SLC39A11: variants seen among roughly 807,000 people sequenced by gnomAD.
The protein encoded by SLC39A11 is zinc transporter ZIP11.
A neutral mutation model predicts 36.1 loss-of-function variants in SLC39A11; 33 were observed. That is an observed-to-expected ratio of 0.91 (90% confidence interval 0.69 to 1.22). SLC39A11 has a LOEUF of 1.22. Among genes scored for constraint, SLC39A11 ranks in the 50% most tolerant of loss-of-function variants. The pLI is 0.00. For synonymous variants in SLC39A11, 166 were observed against 170.3 expected (o/e 0.97, Z 0.20); for missense variants, 432 against 430.3 (o/e 1.00, Z -0.03).
chr17:72,856,603 C>T (rs2030894056), intron 5 of SLC39A11, among the ~76,000 whole-genome samples: 1 of 152,176 alleles, frequency 6.6e-6, no homozygotes, highest in Non-Finnish European at 1.5e-5. Flanking sequence ...AAAGTATTAC[C>T]TGCTTTCCTT....
intron 6 of SLC39A11, among the ~76,000 whole-genome samples, chr17:72,753,754 C>T (rs2075244132): frequency 6.6e-6 from 1 of 151,828 alleles, no homozygotes; most frequent in Non-Finnish European, 1.5e-5. Context: ...TTGTACAAGT[C>T]TGTTTCCCTA....
intron 4 of SLC39A11, among the ~76,000 whole-genome samples, chr17:72,988,243 A>G (rs1015360009): frequency 6.6e-6 from 1 of 152,242 alleles, no homozygotes; most frequent in African/African-American, 2.4e-5. Flanking sequence ...ACCTGAGGCC[A>G]GGAGTTCAAA....
At chr17:73,071,441 G>A (rs534695266) in intron 3 of SLC39A11, among the ~76,000 whole-genome samples, 2 of 152,320 alleles carry the variant, frequency 1.3e-5, no homozygotes, top group South Asian at 2.1e-4. Flanking sequence ...CTGCAGCACA[G>A]AGCTCCTAAA....
At chr17:72,787,788 C>T (rs1204173961) in intron 6 of SLC39A11, among the ~76,000 whole-genome samples, 3 of 152,118 alleles carry the variant, frequency 2.0e-5, no homozygotes, top group South Asian at 4.1e-4. Flanking sequence ...TCTGCTGACC[C>T]CAAAGCCTCA....
chr17:72,784,748 T>A (rs1568087216), intron 6 of SLC39A11, among the ~76,000 whole-genome samples: 1 of 152,104 alleles, frequency 6.6e-6, no homozygotes, highest in Non-Finnish European at 1.5e-5. Flanking sequence ...CTTCACCTTC[T>A]GCCATGATTA....
intron 7 of SLC39A11, among the ~76,000 whole-genome samples, chr17:72,714,472 A>C (rs1368897949): frequency 4.6e-5 from 7 of 152,198 alleles, no homozygotes; most frequent in African/African-American, 1.7e-4. Context: ...TGGGTCGCCA[A>C]AAAAGGAAGG....
At chr17:72,730,601 C>T (rs1304926933) in intron 7 of SLC39A11, among the ~76,000 whole-genome samples, 1 of 152,214 alleles carries the variant, frequency 6.6e-6, no homozygotes, top group African/African-American at 2.4e-5. Context: ...TGCATTCTCA[C>T]TTCCCTCCTC....
intron 6 of SLC39A11, among the ~76,000 whole-genome samples, chr17:72,781,275 C>T (rs1306044157): frequency 2.0e-5 from 3 of 152,140 alleles, no homozygotes; most frequent in Non-Finnish European, 2.9e-5. Context: ...ATTCCTTGCA[C>T]GTCAAGAAAA....
intron 4 of SLC39A11, among the ~76,000 whole-genome samples, chr17:72,957,865 C>T (rs2086346543): frequency 6.6e-6 from 1 of 151,506 alleles, no homozygotes; most frequent in Non-Finnish European, 1.5e-5. Context: ...TGGCTTGCGC[C>T]TATAATCCCA....
At chr17:72,840,431 A>G (rs943155488) in intron 6 of SLC39A11, among the ~76,000 whole-genome samples, 2 of 152,376 alleles carry the variant, frequency 1.3e-5, no homozygotes, top group African/African-American at 4.8e-5. Flanking sequence ...ACATGAGTCA[A>G]TGTCCTCCCT....
At chr17:73,026,837 G>A (rs1030231502) in intron 4 of SLC39A11, among the ~76,000 whole-genome samples, 1 of 152,044 alleles carries the variant, frequency 6.6e-6, no homozygotes, top group African/African-American at 2.4e-5. Context: ...GGCGGGCCAG[G>A]TGTGGTAGCT....
chr17:72,784,721 T>G (rs759213203), intron 6 of SLC39A11, among the ~76,000 whole-genome samples: 1 of 152,082 alleles, frequency 6.6e-6, no homozygotes, highest in African/African-American at 2.4e-5. Context: ...TTTTGCCATG[T>G]GATATGCCTG....
At chr17:73,047,627 G>A (rs1479938539) in intron 3 of SLC39A11, among the ~76,000 whole-genome samples, 19 of 151,880 alleles carry the variant, frequency 1.3e-4, no homozygotes, top group Admixed American at 1.2e-3. Context: ...GTAAGCAGCA[G>A]AGCCAAGATT....
intron 3 of SLC39A11, among the ~76,000 whole-genome samples, chr17:73,081,225 C>T (rs2060499227): frequency 6.6e-6 from 1 of 152,100 alleles, no homozygotes; most frequent in African/African-American, 2.4e-5. Flanking sequence ...AAAAAACGCT[C>T]AACATCACTA....
chr17:73,051,596 G>A (rs375934677), intron 3 of SLC39A11, among the ~76,000 whole-genome samples: 4 of 150,858 alleles, frequency 2.7e-5, no homozygotes, highest in African/African-American at 9.8e-5. Context: ...CGTGGTTCAG[G>A]CCTGTAATCC....
intron 3 of SLC39A11, among the ~76,000 whole-genome samples, chr17:73,059,669 A>C (rs1175432484): frequency 1.4e-5 from 2 of 140,766 alleles, no homozygotes; most frequent in Admixed American, 7.3e-5. Flanking sequence ...AAAAAAAAAA[A>C]CTGGAAATAA....
At chr17:73,064,255 G>A (rs988337024) in intron 3 of SLC39A11, among the ~76,000 whole-genome samples, 35 of 152,302 alleles carry the variant, frequency 2.3e-4, no homozygotes, top group South Asian at 1.7e-3. Context: ...TCATGGCCCT[G>A]AGCCAAAGTC....
At chr17:72,804,003 G>T (rs1378672768) in intron 6 of SLC39A11, among the ~76,000 whole-genome samples, 21 of 116,006 alleles carry the variant, frequency 1.8e-4, no homozygotes, top group Non-Finnish European at 2.3e-4. Flanking sequence ...TATCTTTTTT[G>T]GGTGGGGGCG....
chr17:72,664,629 C>T (rs895393386), intron 7 of SLC39A11, among the ~76,000 whole-genome samples: 2 of 152,176 alleles, frequency 1.3e-5, no homozygotes, highest in Non-Finnish European at 2.9e-5. Flanking sequence ...ACCTTTGCCC[C>T]TATAAACTCT....
Sources: gnomAD v4.1 joint callset for allele counts (sites outside exome capture counted in the v4.1 genomes callset) on GRCh38, gnomAD v4.1.1 for gene constraint, MANE v1.5 for transcripts, NCBI Gene and HGNC (gene_info 2026-07-23, HGNC 2026-07-21) for gene names.